The following GPM6B variants were observed in gnomAD, a reference collection of about 807,000 sequenced individuals.
GPM6B encodes neuronal membrane glycoprotein M6-b.
GPM6B carries 4 observed loss-of-function variants against 27.2 expected under a neutral mutation model. The observed-to-expected ratio is 0.15, with a 90% CI of 0.07 to 0.34. GPM6B has a LOEUF of 0.34. Ranked by LOEUF, GPM6B falls within the 10% of genes least tolerant of loss-of-function variation. The pLI is 1.00. For missense variants in GPM6B, 183 were observed against 261.9 expected (o/e 0.70, Z 2.08); for synonymous variants, 124 against 103.1 (o/e 1.20, Z -1.23).
intron 1 of GPM6B, among the ~76,000 whole-genome samples, chrX:13,835,283 T>C (rs1224913555): frequency 2.7e-5 from 3 of 111,266 alleles, no homozygotes; most frequent in East Asian, 5.6e-4. Flanking sequence ...GAAGGATGAG[T>C]GGAACCATGG....
At chrX:13,886,719 T>TAAAAAAAAAAAAAAAAAAAAAAA (rs5901522) in intron 1 of GPM6B, among the ~76,000 whole-genome samples, 6 of 35,099 alleles carry the variant, frequency 1.7e-4, no homozygotes, top group African/African-American at 3.9e-4. Context: ...AAGTCACTAC[T>TAAAAAAAAAAAAAAAAAAAAAAA]AAAAAAAAAA....
upstream of GPM6B, among the ~76,000 whole-genome samples, chrX:13,818,803 C>A (rs1381153974): frequency 8.9e-6 from 1 of 112,452 alleles, no homozygotes; most frequent in Non-Finnish European, 1.9e-5. Context: ...CTACTTAGGT[C>A]CATTCAAATA....
intron 1 of GPM6B, among the ~76,000 whole-genome samples, chrX:13,902,998 A>C (rs1384129515): frequency 8.9e-6 from 1 of 112,124 alleles, no homozygotes; most frequent in Non-Finnish European, 1.9e-5. Flanking sequence ...CTGGGGCTGG[A>C]CCCTGGGTCC....
At chrX:13,871,668 G>A (rs1197264469) in intron 1 of GPM6B, among the ~76,000 whole-genome samples, 1 of 112,073 alleles carries the variant, frequency 8.9e-6, no homozygotes, top group African/African-American at 3.2e-5. Context: ...AAGTACTGAG[G>A]TAGAGCTGCT....
intron 2 of GPM6B, among the ~76,000 whole-genome samples, chrX:13,789,489 G>T (rs964197418): frequency 1.8e-5 from 2 of 112,277 alleles, no homozygotes; most frequent in African/African-American, 6.5e-5. Flanking sequence ...ATCATGGGAA[G>T]CCTTGACCAG....
At chrX:13,836,834 T>G (rs190776491) in intron 1 of GPM6B, among the ~76,000 whole-genome samples, 88 of 112,889 alleles carry the variant, frequency 7.8e-4, no homozygotes, top group Admixed American at 1.3e-3. Context: ...AATAGCTGTT[T>G]GCTAATGCAT....
intron 2 of GPM6B, among the ~76,000 whole-genome samples, chrX:13,800,880 G>A (rs2048909074): frequency 9.1e-6 from 1 of 109,719 alleles, no homozygotes; most frequent in South Asian, 4.0e-4. Context: ...TTGCTATGTT[G>A]CCCAGGCTGA....
In GPM6B at chrX:13,869,996, G is replaced by C. The variant is rs537900427; in HGVS notation, c.-198+68331C>G. 1.4e-4 allele frequency among the ~76,000 whole-genome samples: 16 copies of C among 111,862 alleles called. No homozygotes were observed. In the South Asian group the frequency reaches 6.0e-3, roughly 42 times the overall value. ...TGTGCAAATTCCCCAGTCTTTACTT[G>C]TTTTTCATGACCTTGACTCTTTTGA... On this transcript the variant is annotated intron_variant, in intron 1 of 6. Coordinates refer to the GPM6B transcript ENST00000398361.
At chrX:13,780,723 T>A (rs2048500598) in intron 4 of GPM6B, among the ~76,000 whole-genome samples, 1 of 111,761 alleles carries the variant, frequency 8.9e-6, no homozygotes. Flanking sequence ...AAGAATAGAA[T>A]CCCGTTGCTT....
At chrX:13,922,947 G>T (rs984485021) in intron 1 of GPM6B, among the ~76,000 whole-genome samples, 12 of 111,935 alleles carry the variant, frequency 1.1e-4, no homozygotes, top group Admixed American at 7.6e-4. Flanking sequence ...AGGTCGAGGC[G>T]GGCAAAGCAC....
intron 1 of GPM6B, among the ~76,000 whole-genome samples, chrX:13,825,978 G>C (rs2049367429): frequency 9.0e-6 from 1 of 111,390 alleles, no homozygotes; most frequent in Non-Finnish European, 1.9e-5. Context: ...AGAGGGAAAA[G>C]GAAAAGTCAT....
At chrX:13,836,038 G>A (rs1022553963) in intron 1 of GPM6B, among the ~76,000 whole-genome samples, 1 of 111,893 alleles carries the variant, frequency 8.9e-6, no homozygotes, top group Non-Finnish European at 1.9e-5. Flanking sequence ...CAGAACACGT[G>A]GCTCTCAAAT....
Position 13,891,429 on chromosome X carries a change from A to AAAC in GPM6B, c.-198+46895_-198+46897dup, listed in dbSNP as rs764314306. ...GTCAGATAGAAACCAAAAAAAAACCAAACAACAACAACAACAACAACAAAC... is the reference window on the plus strand; with the variant it reads ...GTCAGATAGAAACCAAAAAAAAACCAAACAACAACAACAACAACAACAACAAAC... On this transcript the variant is annotated intron_variant, in intron 1 of 6. Transcript: ENST00000398361. Among the ~76,000 whole-genome samples the AAAC allele has an allele frequency of 7.1e-3, 796 of 111,708 alleles. 8 individuals carry two copies. Among genetic ancestry groups the AAAC allele is most frequent in the African/African-American group, 0.024 (732 of 30,722 alleles).
At chrX:13,800,195 G>A (rs1347469316) in intron 2 of GPM6B, among the ~76,000 whole-genome samples, 7 of 111,656 alleles carry the variant, frequency 6.3e-5, no homozygotes, top group Admixed American at 2.9e-4. Context: ...AAAAAATCAA[G>A]GGAGGTTTTA....
At chrX:13,817,740 C>T (rs969509277), upstream of GPM6B, among the ~76,000 whole-genome samples, 14 of 111,844 alleles carry the variant, frequency 1.3e-4, no homozygotes, top group African/African-American at 3.3e-4. Context: ...ACGGATTTAA[C>T]GATAGCAATG....
intron 1 of GPM6B, among the ~76,000 whole-genome samples, chrX:13,809,874 T>C (rs1482396358): frequency 2.0e-5 from 2 of 98,732 alleles, no homozygotes; most frequent in Non-Finnish European, 4.0e-5. Context: ...GAGATGGAGG[T>C]TGCAGTGAGT....
upstream of GPM6B, among the ~76,000 whole-genome samples, chrX:13,818,812 T>C (rs1315720025): frequency 8.9e-6 from 1 of 112,534 alleles, no homozygotes; most frequent in East Asian, 2.8e-4. Flanking sequence ...TCCATTCAAA[T>C]ATAGAAAGGT....
intron 7 of GPM6B, among the ~76,000 whole-genome samples, chrX:13,775,660 C>T (rs1316043133): frequency 2.7e-5 from 3 of 111,884 alleles, no homozygotes; most frequent in Non-Finnish European, 3.8e-5. Flanking sequence ...ATATTAAATA[C>T]GGTGTATTTA....
At chrX:13,781,639 G>C (rs750618852) in intron 4 of GPM6B, among the ~76,000 whole-genome samples, 1 of 111,590 alleles carries the variant, frequency 9.0e-6, no homozygotes, top group East Asian at 2.8e-4. Context: ...AGACCCAAAA[G>C]AATGCAACCA....
Sources: allele counts gnomAD v4.1 joint callset (sites outside exome capture counted in the v4.1 genomes callset), GRCh38; gene constraint gnomAD v4.1.1; transcripts MANE v1.5; gene names NCBI Gene and HGNC (gene_info 2026-07-23, HGNC 2026-07-21).